The following ANKRD11 variants were observed in gnomAD, a reference collection of about 807,000 sequenced individuals.
ANKRD11 encodes the protein ankyrin repeat domain 11, also known as ankyrin repeat domain-containing protein 11.
In ANKRD11, 17 loss-of-function variants were observed where a neutral mutation model predicts 195.7. That is an observed-to-expected ratio of 0.09 (90% CI 0.06 to 0.13). ANKRD11 has a LOEUF of 0.13. Ranked by LOEUF, ANKRD11 falls within the 10% of genes least tolerant of loss-of-function variation. ANKRD11 has a pLI of 1.00. For synonymous variants in ANKRD11, 1,953 were observed against 1,528.1 expected (o/e 1.28, Z -6.49); for missense variants, 3,735 against 3,566.1 (o/e 1.05, Z -1.21).
chr16:89,278,428 G>A (rs777614540), intron 9 of ANKRD11: 1 of 426,800 alleles, frequency 2.3e-6, no homozygotes, highest in South Asian at 1.7e-5. Context: ...TCTATTTTGG[G>A]CCCAGACGTA....
Position 89,283,482 on chromosome 16 carries a change from C to T in ANKRD11, c.3060G>A (p.Lys1020=). The T allele has an allele frequency of 1.2e-6, 2 of 1,614,072 alleles. No homozygotes were observed. Among genetic ancestry groups the T allele is most frequent in the Non-Finnish European group, 8.5e-7 (1 of 1,180,026 alleles). ...EKKDGPDKER[K]EKTKPERYKE... The stretch of plus-strand genomic sequence containing the variant: ...TGTATCTTTCTGGTTTTGTCTTCTC[C>T]TTCCTTTCCTTATCGGGGCCATCCT... Residue 1020 remains lysine, a synonymous_variant, in exon 9 of 13, where the codon AAG becomes AAA. Transcript: ENST00000301030. This position sits in a 1 kb window ranked among gnomAD's most constrained non-coding sequence, Gnocchi z 4.3.
At chr16:89,272,111 A>T (rs1380540750) in intron 11 of ANKRD11, 2 of 152,220 alleles carry the variant, frequency 1.3e-5, no homozygotes, top group Non-Finnish European at 2.9e-5. Context: ...CTCAAAGGAG[A>T]CACACAAATG....
At position 89,407,719 on chromosome 16, in the gene ANKRD11, G is replaced by A. The variant is rs9933634; in HGVS notation, c.-60+10565C>T. Among the ~76,000 whole-genome samples, 746 of 152,088 alleles carry A rather than the reference G, an allele frequency of 4.9e-3. 8 individuals carry two copies. Among genetic ancestry groups the A allele is most frequent in the African/African-American group, 0.017 (702 of 41,506 alleles). ...CACAGAATTAGCCAGGCATTGTGGT[G>A]TGCCCCTGCAGTCCCAGCTACTTGA... On this transcript the variant is annotated intron_variant, in intron 2 of 12. Coordinates refer to ENST00000301030, the MANE Select transcript of ANKRD11 (RefSeq NM_013275.6).
chr16:89,461,021 G>A (rs1460390609), intron 1 of ANKRD11, among the ~76,000 whole-genome samples: 4 of 113,676 alleles, frequency 3.5e-5, no homozygotes, highest in African/African-American at 1.4e-4. Context: ...CATAACAGAA[G>A]AAAGGACAAA....
At chr16:89,443,969 C>A (rs2043657743) in intron 1 of ANKRD11, among the ~76,000 whole-genome samples, 3 of 152,146 alleles carry the variant, frequency 2.0e-5, no homozygotes, top group Non-Finnish European at 4.4e-5. Flanking sequence ...GACAAAGCGG[C>A]CTGTCAGGCT....
rs144531285 is a variant in ANKRD11, at chr16:89,287,920, G to A, written c.744+608C>T. 8.7e-4 allele frequency: 352 copies of A among 403,386 alleles called. 3 individuals carry two copies. Among genetic ancestry groups the A allele is most frequent in the African/African-American group, 6.6e-3 (324 of 49,388 alleles). The allele number at this position is 403,386 out of a possible 1,614,324, so 25.0% of individuals were successfully genotyped here. On this transcript the variant is annotated intron_variant, in intron 7 of 12. Coordinates refer to ENST00000301030, the MANE Select transcript of ANKRD11 (RefSeq NM_013275.6). ...CTTGCTGTCCTGCCTGCAACCAGGG[G>A]CTCTCCACGGAGCTCTGATGAAGAC...
intron 1 of ANKRD11, among the ~76,000 whole-genome samples, chr16:89,429,843 G>A (rs2042899182): frequency 1.8e-5 from 1 of 55,910 alleles, no homozygotes; most frequent in South Asian, 7.0e-4. Flanking sequence ...TACACAGCAG[G>A]GACTCTCAAC....
chr16:89,312,396 G>A (rs2036656535), intron 3 of ANKRD11, among the ~76,000 whole-genome samples: 3 of 152,106 alleles, frequency 2.0e-5, no homozygotes, highest in Non-Finnish European at 4.4e-5. Flanking sequence ...GGGGAGGGGC[G>A]GGGCAGGGCG....
intron 2 of ANKRD11, among the ~76,000 whole-genome samples, chr16:89,328,152 GAT>G (rs34994970): frequency 0.58 from 88,726 of 151,872 alleles, 26,083 homozygotes; most frequent in Middle Eastern, 0.7. Context: ...GCCGCAATGA[GAT>G]ATTACTGCAC....
At chr16:89,350,212 T>C (rs568337177) in intron 2 of ANKRD11, among the ~76,000 whole-genome samples, 1 of 152,336 alleles carries the variant, frequency 6.6e-6, no homozygotes, top group African/African-American at 2.4e-5. Context: ...GCAGATGGAA[T>C]TCCCATTCAA....
intron 1 of ANKRD11, among the ~76,000 whole-genome samples, chr16:89,455,150 T>A (rs1261868710): frequency 7.9e-6 from 1 of 126,292 alleles, no homozygotes; most frequent in Non-Finnish European, 1.7e-5. Context: ...TGGGTGCTGT[T>A]AGGGTTCCTC....
intron 2 of ANKRD11, among the ~76,000 whole-genome samples, chr16:89,368,934 G>A (rs1392699612): frequency 2.0e-5 from 3 of 152,098 alleles, no homozygotes; most frequent in Admixed American, 6.5e-5. Flanking sequence ...GAACAAAGAG[G>A]CAGTGGGACT....
intron 12 of ANKRD11, 31 bp from the exon 13 acceptor site, chr16:89,268,694 G>A (rs2032849191): frequency 1.3e-6 from 2 of 1,563,652 alleles, no homozygotes; most frequent in Non-Finnish European, 1.7e-6. Flanking sequence ...AGAGGAGGGA[G>A]GAGGAGTGAA....
Position 89,285,202 on chromosome 16 carries a change from T to C in ANKRD11, c.1340A>G (p.Gln447Arg). Residue 447 changes from glutamine (Q) to arginine (R), a missense_variant, in exon 9 of 13, where the codon CAG (glutamine) becomes CGG (arginine). Transcript: ENST00000301030. This position sits in a 1 kb window ranked among gnomAD's most constrained non-coding sequence, Gnocchi z 5.6. ...TTTCACTTTATTTTTTTCCTTCTGC[T>C]GCTTGGCATTAGAAGGCTCTCGTGT... ...SKTREPSNAK[Q>R]QKEKNKVKKK... The C allele has an allele frequency of 6.2e-7, 1 of 1,613,802 alleles. No individual in the cohort carries two copies. Among genetic ancestry groups the C allele is most frequent in the Non-Finnish European group, 8.5e-7 (1 of 1,180,036 alleles).
intron 2 of ANKRD11, among the ~76,000 whole-genome samples, chr16:89,339,440 G>C (rs1225242789): frequency 1.3e-5 from 2 of 152,154 alleles, no homozygotes; most frequent in African/African-American, 4.8e-5. Flanking sequence ...AGATCTGAAA[G>C]CCCCATGGTC....
At chr16:89,407,213 G>A (rs1022186245) in intron 2 of ANKRD11, among the ~76,000 whole-genome samples, 1 of 151,248 alleles carries the variant, frequency 6.6e-6, no homozygotes, top group African/African-American at 2.4e-5. Flanking sequence ...AGAACACGCA[G>A]ACAGAAAAGA....
chr16:89,415,463 A>G (rs1289645765), intron 2 of ANKRD11, among the ~76,000 whole-genome samples: 1 of 143,076 alleles, frequency 7.0e-6, no homozygotes, highest in Non-Finnish European at 1.5e-5. Context: ...ACGGGGTTTC[A>G]CCGTGTTAGC....
Position 89,280,435 on chromosome 16 carries a change from T to C in ANKRD11, c.6107A>G (p.Asp2036Gly). ...GACGGCGTCCACTCCGTCCTTGACG[T>C]CCTCCAGCCCCGGCTCAGCGACGGG... ...ALPVAEPGLEDVKDGVDAVPA... is the reference protein window; with the variant it reads ...ALPVAEPGLEGVKDGVDAVPA... The change falls in exon 9 of 13, where the codon GAC becomes GGC. Residue 2036 changes from aspartate to glycine, a missense_variant. By Grantham distance (94) the Asp-to-Gly change is moderately conservative. Coordinates refer to ENST00000301030, the MANE Select transcript of ANKRD11 (RefSeq NM_013275.6). The C allele has an allele frequency of 6.3e-7, 1 of 1,580,694 alleles. No homozygotes were observed. Among genetic ancestry groups the C allele is most frequent in the Non-Finnish European group, 8.6e-7 (1 of 1,162,276 alleles).
At chr16:89,469,179 CA>C (rs780212666) in intron 1 of ANKRD11, among the ~76,000 whole-genome samples, 64 of 139,446 alleles carry the variant, frequency 4.6e-4, no homozygotes, top group Admixed American at 6.5e-4. Flanking sequence ...GGCTCTGTTT[CA>C]AAAAAAAAAA....
Sources: gnomAD v4.1 joint callset for allele counts (sites outside exome capture counted in the v4.1 genomes callset) on GRCh38, gnomAD v4.1.1 for gene constraint, Gnocchi (gnomAD v3.1) non-coding constraint, MANE v1.5 for transcripts, NCBI Gene and HGNC (gene_info 2026-07-23, HGNC 2026-07-21) for gene names.